The following DIAPH2 variants were observed in gnomAD, a reference collection of about 807,000 sequenced individuals.
The protein encoded by DIAPH2 is diaphanous related formin 2.
In DIAPH2, 35 loss-of-function variants were observed where a neutral mutation model predicts 92.7. The observed-to-expected ratio is 0.38, with a 90% CI of 0.29 to 0.50. DIAPH2 has a LOEUF of 0.50. DIAPH2 is among the 20% of genes least tolerant of loss of function. The probability of loss-of-function intolerance (pLI) is 0.94; values close to 1 mark genes in which losing one functional copy is unlikely to be tolerated. For missense variants in DIAPH2, 701 were observed against 819.5 expected (o/e 0.86, Z 1.77); for synonymous variants, 301 against 280.4 (o/e 1.07, Z -0.73).
At chrX:97,496,939 T>C (rs1028621854) in intron 26 of DIAPH2, among the ~76,000 whole-genome samples, 27 of 112,146 alleles carry the variant, frequency 2.4e-4, no homozygotes, top group African/African-American at 8.4e-4. Context: ...ATTTAAAAAC[T>C]TCAAAATAAA....
At chrX:97,273,159 AAATAAT>A (rs1004055772) in intron 23 of DIAPH2, among the ~76,000 whole-genome samples, 1 of 111,986 alleles carries the variant, frequency 8.9e-6, no homozygotes, top group African/African-American at 3.2e-5. Context: ...CCATCTCAAA[AAATAAT>A]AATAATAAAT....
At chrX:97,137,010 A>G (rs1466489764) in intron 21 of DIAPH2, among the ~76,000 whole-genome samples, 1 of 108,246 alleles carries the variant, frequency 9.2e-6, no homozygotes, top group Non-Finnish European at 1.9e-5. Flanking sequence ...ACCATGCATC[A>G]TTTATCTCTT....
Position 96,805,967 on chromosome X carries a change from A to G in DIAPH2, c.447+47709A>G, listed in dbSNP as rs1051235812. On this transcript the variant is annotated intron_variant, in intron 4 of 26. Coordinates refer to ENST00000324765, the MANE Select transcript of DIAPH2 (RefSeq NM_006729.5). The stretch of plus-strand genomic sequence containing the variant: ...GGGTAGCCCATAAATCACATAGTAT[A>G]GGAAATTACCTTTTCCAATTATGTA... 9.8e-5 allele frequency among the ~76,000 whole-genome samples: 11 copies of G among 112,360 alleles called. No individual in the cohort carries two copies. In the East Asian group the frequency reaches 3.1e-3, roughly 31 times the overall value.
At chrX:97,020,612 AT>A in intron 17 of DIAPH2, among the ~76,000 whole-genome samples, 1 of 112,202 alleles carries the variant, frequency 8.9e-6, no homozygotes, top group African/African-American at 3.2e-5. Context: ...TAGGGCCGTT[AT>A]AAAATAGGGT....
intron 3 of DIAPH2, 114 bp from the exon 4 acceptor site, chrX:96,758,040 G>C (rs2064242824): frequency 1.6e-6 from 1 of 627,621 alleles, no homozygotes; most frequent in Non-Finnish European, 2.3e-6. Flanking sequence ...TTTGACATTA[G>C]TCACCACATG....
intron 22 of DIAPH2, among the ~76,000 whole-genome samples, chrX:97,155,617 T>A (rs1051834151): frequency 1.8e-5 from 2 of 112,183 alleles, no homozygotes; most frequent in Non-Finnish European, 3.8e-5. Context: ...TGTATGTTAT[T>A]ATTTTTATTA....
chrX:96,689,704 C>G (rs781331343), intron 1 of DIAPH2, among the ~76,000 whole-genome samples: 109 of 110,964 alleles, frequency 9.8e-4, no homozygotes, highest in African/African-American at 3.4e-3. Context: ...CCATTAAACA[C>G]CGATTACTTC....
intron 26 of DIAPH2, among the ~76,000 whole-genome samples, chrX:97,556,744 A>G (rs2071260007): frequency 8.9e-6 from 1 of 112,226 alleles, no homozygotes; most frequent in African/African-American, 3.2e-5. Flanking sequence ...TTCGGGGGAC[A>G]CAGTTCAACC....
chrX:97,016,104 C>T (rs989244938), intron 17 of DIAPH2, among the ~76,000 whole-genome samples: 4 of 112,079 alleles, frequency 3.6e-5, no homozygotes, highest in Admixed American at 9.5e-5. Context: ...AAACAAATCA[C>T]AAACTGTCAA....
chrX:96,801,135 C>T (rs1486555108), intron 4 of DIAPH2, among the ~76,000 whole-genome samples: 2 of 112,151 alleles, frequency 1.8e-5, no homozygotes, highest in Non-Finnish European at 3.8e-5. Flanking sequence ...AATGCTACCT[C>T]AATAGGGAGA....
chrX:97,132,722 A>G (rs756607556), intron 21 of DIAPH2, among the ~76,000 whole-genome samples: 2 of 112,274 alleles, frequency 1.8e-5, no homozygotes, highest in South Asian at 7.4e-4. Context: ...GCCATGATTA[A>G]TGAAAATTTT....
At chrX:97,569,318 A>G (rs1196743009) in intron 26 of DIAPH2, among the ~76,000 whole-genome samples, 1 of 112,158 alleles carries the variant, frequency 8.9e-6, no homozygotes, top group Non-Finnish European at 1.9e-5. Flanking sequence ...ATTTATCAGA[A>G]GAGATTTTCA....
intron 23 of DIAPH2, among the ~76,000 whole-genome samples, chrX:97,257,139 G>GA (rs1457205481): frequency 9.0e-6 from 1 of 111,208 alleles, no homozygotes; most frequent in Non-Finnish European, 1.9e-5. Flanking sequence ...GTGAGGAATG[G>GA]AAAAAAATAT....
At chrX:97,117,302 G>A (rs927931251) in intron 21 of DIAPH2, among the ~76,000 whole-genome samples, 2 of 111,969 alleles carry the variant, frequency 1.8e-5, no homozygotes, top group African/African-American at 3.2e-5. Flanking sequence ...TCTGAAGCAC[G>A]TAGAAATAGT....
intron 12 of DIAPH2, among the ~76,000 whole-genome samples, 162 bp downstream of exon 12, chrX:96,939,544 A>T (rs749265739): frequency 1.4e-5 from 1 of 72,642 alleles, no homozygotes; most frequent in African/African-American, 5.3e-5. Flanking sequence ...ATATATATGT[A>T]TGTATATATG....
chrX:96,805,015 A>T (rs764061985), intron 4 of DIAPH2, among the ~76,000 whole-genome samples: 1 of 111,275 alleles, frequency 9.0e-6, no homozygotes, highest in South Asian at 3.8e-4. Flanking sequence ...GCAAACAAAA[A>T]GTAGGGTAAT....
intron 26 of DIAPH2, among the ~76,000 whole-genome samples, chrX:97,589,379 G>A (rs1462874062): frequency 9.8e-6 from 1 of 101,777 alleles, no homozygotes; most frequent in African/African-American, 3.6e-5. Flanking sequence ...ATTTTTTATT[G>A]GTGTATATCC....
chrX:97,109,022 C>T (rs1038843128), intron 20 of DIAPH2, among the ~76,000 whole-genome samples: 1 of 111,453 alleles, frequency 9.0e-6, no homozygotes, highest in African/African-American at 3.3e-5. Context: ...CACATAGTAT[C>T]ACATTTAAGT....
intron 26 of DIAPH2, among the ~76,000 whole-genome samples, chrX:97,440,308 T>C (rs1448660415): frequency 9.0e-6 from 1 of 111,478 alleles, no homozygotes; most frequent in Non-Finnish European, 1.9e-5. Flanking sequence ...AAAGACAGCA[T>C]GGGCCAGGCG....
Sources: gnomAD v4.1 joint callset for allele counts (sites outside exome capture counted in the v4.1 genomes callset) on GRCh38, gnomAD v4.1.1 for gene constraint, MANE v1.5 for transcripts, NCBI Gene and HGNC (gene_info 2026-07-23, HGNC 2026-07-21) for gene names.